Variants in ZDHHC2 observed in about 807,000 individuals in gnomAD.
ZDHHC2 encodes zDHHC palmitoyltransferase 2, also known as palmitoyltransferase ZDHHC2.
A neutral mutation model predicts 55.6 loss-of-function variants in ZDHHC2; 51 were observed. The observed-to-expected ratio is 0.92, with a 90% CI of 0.73 to 1.16. ZDHHC2 has a LOEUF of 1.16. Ranked by LOEUF, ZDHHC2 falls within the 50% of genes most tolerant of loss-of-function variation. The pLI is 0.00. For synonymous variants in ZDHHC2, 199 were observed against 152.9 expected, an observed-to-expected ratio of 1.30 and a Z score of -2.22; for missense variants, 491 against 442.4, an observed-to-expected ratio of 1.11 and a Z score of -0.99.
chr8:17,221,891 G>A lies in ZDHHC2; in HGVS notation c.*1670G>A. Reference sequence around the variant, plus strand: ...GGTCATTTTTAAAAATACCTAAAGTGCCAGACCGGAACCTATAGCTACTGC... The same window carrying A: ...GGTCATTTTTAAAAATACCTAAAGTACCAGACCGGAACCTATAGCTACTGC... On this transcript the variant is annotated 3_prime_UTR_variant, in exon 13 of 13. Transcript: ENST00000262096. 1 of 151,270 alleles carries A rather than the reference G, an allele frequency of 6.6e-6. No homozygotes were observed. Among genetic ancestry groups the A allele is most frequent in the East Asian group, 1.9e-4 (1 of 5,178 alleles). 9.4% of individuals were successfully genotyped at this position (151,270 alleles called of 1,614,324 possible). A position where few individuals can be genotyped will look rare whatever the true frequency, so the allele number is the denominator to read the frequency against.
At chr8:17,171,224 A>T in intron 1 of ZDHHC2, among the ~76,000 whole-genome samples, 1 of 152,168 alleles carries the variant, frequency 6.6e-6, no homozygotes, top group Non-Finnish European at 1.5e-5. Context: ...AAACACCCAT[A>T]CAACTCTATC....
chr8:17,167,506 TG>T (rs1467443269), intron 1 of ZDHHC2, among the ~76,000 whole-genome samples: 2 of 152,074 alleles, frequency 1.3e-5, no homozygotes, highest in Non-Finnish European at 2.9e-5. Flanking sequence ...GGTTTCCGCA[TG>T]TTGGCCAGGC....
At position 17,221,404 on chromosome 8, in the gene ZDHHC2, T is replaced by C. The variant is rs1265816133; in HGVS notation, c.*1183T>C. On this transcript the variant is annotated 3_prime_UTR_variant, in exon 13 of 13. Transcript: ENST00000262096. Reference sequence around the variant, plus strand: ...TGCACTATTTAAAAAAAGTTTTTTTTATTTGAGTCCAGTATAATTCATGTA... The same window carrying C: ...TGCACTATTTAAAAAAAGTTTTTTTCATTTGAGTCCAGTATAATTCATGTA... 1 of 152,520 alleles carries C rather than the reference T, an allele frequency of 6.6e-6. No individual in the cohort carries two copies. The highest frequency in any genetic ancestry group is 2.4e-5 in the African/African-American group (1 of 41,442). The allele number at this position is 152,520 out of a possible 1,614,324, so 9.4% of individuals were successfully genotyped here. A position where few individuals can be genotyped will look rare whatever the true frequency, so the allele number is the denominator to read the frequency against.
In ZDHHC2 at chr8:17,222,012, T is replaced by G. The variant is rs1807940830; in HGVS notation, c.*1791T>G. On this transcript the variant is annotated 3_prime_UTR_variant, in exon 13 of 13. Transcript: ENST00000262096. ...TTTTTTTTTTTTTTTCAAAGCACAG[T>G]ACTGTTAGCTGTTTTTGTGGACAGG... 1 of 140,190 alleles carries G rather than the reference T, an allele frequency of 7.1e-6. No homozygotes were observed. The allele number at this position is 140,190 out of a possible 1,614,324, so 8.7% of individuals were successfully genotyped here.
chr8:17,216,240 G>C (rs1176268820), intron 11 of ZDHHC2, among the ~76,000 whole-genome samples: 11 of 152,174 alleles, frequency 7.2e-5, no homozygotes, highest in African/African-American at 2.7e-4. Flanking sequence ...AAGTCAGGTA[G>C]TACGAGAGTT....
chr8:17,172,498 T>C (rs1261642264), intron 1 of ZDHHC2, among the ~76,000 whole-genome samples: 1 of 152,204 alleles, frequency 6.6e-6, no homozygotes, highest in Non-Finnish European at 1.5e-5. Context: ...GAATGAGTTC[T>C]AGAGATCGGC....
chr8:17,176,963 G>A (rs143677993), intron 1 of ZDHHC2, among the ~76,000 whole-genome samples: 1,592 of 152,232 alleles, frequency 0.01, 29 homozygotes, highest in African/African-American at 0.036. Context: ...AAATGTTAAC[G>A]TGAATAACAT....
chr8:17,210,106 C>T (rs1807303186), intron 9 of ZDHHC2, 48 bp downstream of exon 9: 9 of 1,545,790 alleles, frequency 5.8e-6, no homozygotes, highest in East Asian at 4.7e-5. Flanking sequence ...GAAAATAATA[C>T]AGCAAAAGAT....
chr8:17,178,781 A>C (rs948007795), intron 1 of ZDHHC2, among the ~76,000 whole-genome samples: 2 of 152,186 alleles, frequency 1.3e-5, no homozygotes, highest in Admixed American at 1.3e-4. Context: ...ATGGGTTATT[A>C]CTTTGACAGT....
Position 17,195,490 on chromosome 8 carries a change from A to T in ZDHHC2, c.253-14A>T, listed in dbSNP as rs1407407178. The T allele has an allele frequency of 6.2e-7, 1 of 1,607,008 alleles. No homozygotes were observed. The highest frequency in any genetic ancestry group is 1.7e-5 in the Admixed American group (1 of 58,804). ...CTTTGAAAATACTGATTAAGATTTA[A>T]ATGTATTCCACAGTTCCATCTCTCT... is the stretch of plus-strand genomic sequence containing the variant. On this transcript the variant is annotated splice_polypyrimidine_tract_variant and intron_variant, in intron 3 of 12. Coordinates refer to ENST00000262096, the MANE Select transcript of ZDHHC2 (RefSeq NM_016353.5).
intron 1 of ZDHHC2, among the ~76,000 whole-genome samples, chr8:17,171,872 C>T (rs1804871666): frequency 6.6e-6 from 1 of 151,568 alleles, no homozygotes; most frequent in Admixed American, 6.6e-5. Flanking sequence ...AATCACCTAG[C>T]CTTGTTTGCA....
At chr8:17,189,087 G>T (rs1300202669) in intron 3 of ZDHHC2, among the ~76,000 whole-genome samples, 12 of 130,978 alleles carry the variant, frequency 9.2e-5, no homozygotes, top group African/African-American at 2.1e-4. Context: ...CTCTTAACAG[G>T]TTTCTTTTTG....
chr8:17,190,172 C>T (rs1194756717), intron 3 of ZDHHC2, among the ~76,000 whole-genome samples: 1 of 151,782 alleles, frequency 6.6e-6, no homozygotes, highest in Non-Finnish European at 1.5e-5. Context: ...TACCAATACA[C>T]TTGAACCTGG....
chr8:17,204,898 C>T (rs1312989103), intron 6 of ZDHHC2, among the ~76,000 whole-genome samples: 1 of 152,032 alleles, frequency 6.6e-6, no homozygotes, highest in East Asian at 1.9e-4. Context: ...TGTATTTGTA[C>T]TTAGGTTTAT....
rs183502633 is a variant in ZDHHC2 at position 17,205,098 on chromosome 8, T to C, written c.477-557T>C. Among the ~76,000 whole-genome samples, 835 of 152,328 alleles carry C rather than the reference T, an allele frequency of 5.5e-3. 7 individuals are homozygous for C. Among genetic ancestry groups the C allele is most frequent in the South Asian group, 0.026 (125 of 4,828 alleles). On this transcript the variant is annotated intron_variant, in intron 6 of 12. Coordinates refer to ENST00000262096, the MANE Select transcript of ZDHHC2 (RefSeq NM_016353.5). ...ATTTCACTTCCTCAGGGCCACATCA[T>C]TACTTAGTGTCAAATGGGCCTTCTG...
chr8:17,201,307 T>A (rs903998505), intron 6 of ZDHHC2, among the ~76,000 whole-genome samples: 1 of 151,976 alleles, frequency 6.6e-6, no homozygotes, highest in Non-Finnish European at 1.5e-5. Flanking sequence ...CACTATTGAT[T>A]GAATCTGTTT....
intron 1 of ZDHHC2, among the ~76,000 whole-genome samples, chr8:17,168,057 A>C (rs2150884606): frequency 6.6e-6 from 1 of 152,274 alleles, no homozygotes; most frequent in South Asian, 2.1e-4. Context: ...TACTGAATAT[A>C]ATTTAGCTCT....
At chr8:17,216,624 G>C (rs1412160438) in intron 11 of ZDHHC2, among the ~76,000 whole-genome samples, 1 of 152,166 alleles carries the variant, frequency 6.6e-6, no homozygotes, top group Non-Finnish European at 1.5e-5. Flanking sequence ...TCTTCATCCA[G>C]AAGGGATTCA....
At chr8:17,171,577 G>A (rs905069522) in intron 1 of ZDHHC2, among the ~76,000 whole-genome samples, 1 of 151,988 alleles carries the variant, frequency 6.6e-6, no homozygotes, top group Non-Finnish European at 1.5e-5. Flanking sequence ...CAAACATTCC[G>A]TGAATGTTTA....
Sources: gnomAD v4.1 joint callset for allele counts (sites outside exome capture counted in the v4.1 genomes callset) on GRCh38, gnomAD v4.1.1 for gene constraint, MANE v1.5 for transcripts, NCBI Gene and HGNC (gene_info 2026-07-23, HGNC 2026-07-21) for gene names.